GABRA5: variants seen among roughly 807,000 people sequenced by gnomAD.
The protein encoded by GABRA5 is gamma-aminobutyric acid type A receptor subunit alpha5.
In GABRA5, 18 loss-of-function variants were observed where a neutral mutation model predicts 47.3. That is an observed-to-expected ratio of 0.38 (90% CI 0.26 to 0.56). The LOEUF is 0.56. GABRA5 is among the 20% of genes least tolerant of loss of function. The probability of loss-of-function intolerance (pLI) is 0.71; values close to 1 mark genes in which losing one functional copy is unlikely to be tolerated. For synonymous variants in GABRA5, 237 were observed against 229.3 expected (o/e 1.03, Z -0.30); for missense variants, 365 against 599.3 (o/e 0.61, Z 4.08).
At chr15:26,895,040 C>T (rs1191040357) in intron 6 of GABRA5, among the ~76,000 whole-genome samples, 1 of 152,072 alleles carries the variant, frequency 6.6e-6, no homozygotes, top group Non-Finnish European at 1.5e-5. Context: ...ACAGGAGCTG[C>T]TGCCTGGTTC....
chr15:26,872,126 A>G (rs1210107627), intron 3 of GABRA5, among the ~76,000 whole-genome samples: 1 of 151,962 alleles, frequency 6.6e-6, no homozygotes, highest in Non-Finnish European at 1.5e-5. Context: ...CCTATAGGAG[A>G]CTCCTCTCAC....
rs927564288 is a variant in GABRA5 at position 26,923,563 on chromosome 15, G to T, written c.580+8678G>T. Among the ~76,000 whole-genome samples the T allele has an allele frequency of 2.0e-5, 3 of 151,372 alleles. No individual in the cohort carries two copies. The East Asian group carries it at 5.8e-4, about 29-fold the overall frequency. ...AGAAGTTTGACTATGATGTTTATTG[G>T]TGTAGGCATATGATATTTATAGGTT... On this transcript the variant is annotated intron_variant, in intron 7 of 10. Coordinates refer to ENST00000335625, the MANE Select transcript of GABRA5 (RefSeq NM_000810.4).
chr15:26,881,116 A>C (rs951045887), intron 4 of GABRA5, 149 bp downstream of exon 4: 31 of 735,666 alleles, frequency 4.2e-5, no homozygotes, highest in African/African-American at 3.6e-4. Context: ...TCTTGCCAAG[A>C]ATCATGCACC....
At chr15:26,930,895 C>CTTTTTTTTTTTTTTTTT (rs555799476) in intron 7 of GABRA5, among the ~76,000 whole-genome samples, 12 of 115,038 alleles carry the variant, frequency 1.0e-4, no homozygotes, top group East Asian at 4.7e-4. Context: ...TCTTTCTTTT[C>CTTTTTTTTTTTTTTTTT]TTTTTTTTTT....
intron 3 of GABRA5, among the ~76,000 whole-genome samples, chr15:26,873,188 A>G (rs1395748106): frequency 6.6e-6 from 1 of 152,228 alleles, no homozygotes; most frequent in African/African-American, 2.4e-5. Context: ...TACAGAAACA[A>G]TATTGGCACC....
At chr15:26,893,766 C>A (rs573141987) in intron 6 of GABRA5, among the ~76,000 whole-genome samples, 1 of 152,112 alleles carries the variant, frequency 6.6e-6, no homozygotes, top group South Asian at 2.1e-4. Flanking sequence ...GGCGACCAGG[C>A]GGTGGGCACG....
In GABRA5 at chr15:26,878,951, C is replaced by T. The variant is rs138015653; in HGVS notation, c.87-1895C>T. Among the ~76,000 whole-genome samples, 679 of 152,250 alleles carry T rather than the reference C, an allele frequency of 4.5e-3. 2 individuals carry two copies. Among genetic ancestry groups the T allele is most frequent in the South Asian group, 0.015 (70 of 4,820 alleles). On this transcript the variant is annotated intron_variant, in intron 3 of 10. Coordinates refer to ENST00000335625, the MANE Select transcript of GABRA5 (RefSeq NM_000810.4). ...TTATCTCCGCTTCTGGAGAGAGCCA[C>T]GGAAAACAACGCTCACAGAGACATC...
intron 6 of GABRA5, among the ~76,000 whole-genome samples, chr15:26,893,317 A>C (rs1027156934): frequency 1.8e-4 from 1 of 5,550 alleles, no homozygotes; most frequent in Non-Finnish European, 3.9e-4. Flanking sequence ...TGTTGTGTGT[A>C]TATGGCGTGT....
intron 6 of GABRA5, among the ~76,000 whole-genome samples, chr15:26,895,350 G>A (rs1288550741): frequency 6.6e-6 from 1 of 152,068 alleles, no homozygotes; most frequent in African/African-American, 2.4e-5. Flanking sequence ...GTAGCTTGTG[G>A]ACTAACTTGC....
chr15:26,910,597 C>A (rs944229873), intron 6 of GABRA5, among the ~76,000 whole-genome samples: 3 of 146,562 alleles, frequency 2.0e-5, no homozygotes, highest in South Asian at 2.2e-4. Context: ...GAGACTCCAT[C>A]AAAAAAAAAA....
chr15:26,945,150 C>G (rs532535779), intron 10 of GABRA5, among the ~76,000 whole-genome samples: 3 of 152,192 alleles, frequency 2.0e-5, no homozygotes. Context: ...TGTTCAGACT[C>G]GTTCCTGGGA....
chr15:26,893,322 GCGTGTTGT>G (rs1400681060), intron 6 of GABRA5, among the ~76,000 whole-genome samples: 9 of 36,902 alleles, frequency 2.4e-4, no homozygotes, highest in Admixed American at 6.0e-4. Context: ...TGTGTATATG[GCGTGTTGT>G]GTGTCTATGG....
chr15:26,939,413 C>A, intron 8 of GABRA5: 1 of 765,200 alleles, frequency 1.3e-6, no homozygotes, highest in Non-Finnish European at 2.4e-6. Flanking sequence ...CTGCCAGGAC[C>A]CAGAGCCTCC....
chr15:26,940,409 G>A (rs891074053), intron 9 of GABRA5, among the ~76,000 whole-genome samples: 3 of 152,054 alleles, frequency 2.0e-5, no homozygotes, highest in African/African-American at 7.2e-5. Flanking sequence ...CAAATGCTTG[G>A]GACCGGAAGT....
intron 7 of GABRA5, among the ~76,000 whole-genome samples, chr15:26,920,793 C>T (rs1893825054): frequency 6.6e-6 from 1 of 152,170 alleles, no homozygotes; most frequent in African/African-American, 2.4e-5. Flanking sequence ...TAGTCAAACT[C>T]ACTTTCTTTA....
intron 7 of GABRA5, among the ~76,000 whole-genome samples, chr15:26,925,986 A>C (rs1056087219): frequency 6.6e-6 from 1 of 152,190 alleles, no homozygotes; most frequent in Non-Finnish European, 1.5e-5. Flanking sequence ...ATCTGTATAC[A>C]TCACTGTGGG....
chr15:26,880,807 A>C, intron 3 of GABRA5, 39 bp from the exon 4 acceptor site: 1 of 1,602,696 alleles, frequency 6.2e-7, no homozygotes, highest in Non-Finnish European at 8.5e-7. Context: ...GTAAGAAATA[A>C]TATGTTTTAA....
chr15:26,947,911 T>C, intron 10 of GABRA5, 23 bp from the exon 11 acceptor site: 6 of 1,551,814 alleles, frequency 3.9e-6, no homozygotes, highest in Non-Finnish European at 5.2e-6. Flanking sequence ...GGCGTGTCCT[T>C]ACATTCGTAT....
intron 6 of GABRA5, among the ~76,000 whole-genome samples, chr15:26,887,560 A>C (rs566819738): frequency 6.6e-6 from 1 of 152,032 alleles, no homozygotes; most frequent in South Asian, 2.1e-4. Flanking sequence ...TTGAACTCCT[A>C]ACCTCAGCCT....
Sources: gnomAD v4.1 joint callset for allele counts (sites outside exome capture counted in the v4.1 genomes callset) on GRCh38, gnomAD v4.1.1 for gene constraint, MANE v1.5 for transcripts, NCBI Gene and HGNC (gene_info 2026-07-23, HGNC 2026-07-21) for gene names.